SLC25A48: variants seen among roughly 807,000 people sequenced by gnomAD.
SLC25A48 encodes the protein solute carrier family 25 member 48.
SLC25A48 carries 29 observed loss-of-function variants against 32.2 expected under a neutral mutation model. The observed-to-expected ratio is 0.90, with a 90% confidence interval of 0.67 to 1.23. The LOEUF (loss-of-function observed/expected upper bound fraction) is 1.23. Among genes scored for constraint, SLC25A48 ranks in the 50% most tolerant of loss-of-function variants. The pLI is 0.00. For missense variants in SLC25A48, 399 were observed against 422.7 expected (o/e 0.94, Z 0.49); for synonymous variants, 164 against 172.3 (o/e 0.95, Z 0.38).
In SLC25A48 at chr5:135,784,808, C is replaced by G. The variant is rs1455781251; in HGVS notation, c.-520-27715C>G. Among the ~76,000 whole-genome samples the G allele has an allele frequency of 1.7e-5, 2 of 117,358 alleles. 1 individual carries two copies. The highest frequency in any genetic ancestry group is 4.2e-5 in the Non-Finnish European group (2 of 47,652). 77.0% of individuals were successfully genotyped at this position (117,358 alleles called of 152,430 possible). A position where few individuals can be genotyped will look rare whatever the true frequency, so the allele number is the denominator to read the frequency against. On this transcript the variant is annotated intron_variant, in intron 3 of 10. Transcript: ENST00000646290. ...GTTATTAACATCATAAAAGTGAAAG[C>G]ATGATATTACTCCCAATATCGTAAG... is the stretch of plus-strand genomic sequence containing the variant.
intron 4 of SLC25A48, among the ~76,000 whole-genome samples, chr5:135,863,356 G>A (rs1760949298): frequency 6.6e-6 from 1 of 152,184 alleles, no homozygotes; most frequent in Non-Finnish European, 1.5e-5. Flanking sequence ...TGTAGTGTGA[G>A]GTGCCTGTGA....
At chr5:135,868,296 G>A (rs1433032669) in intron 4 of SLC25A48, among the ~76,000 whole-genome samples, 1 of 152,172 alleles carries the variant, frequency 6.6e-6, no homozygotes, top group Non-Finnish European at 1.5e-5. Flanking sequence ...CCCGAATCAG[G>A]AAAGCTCTAT....
intron 3 of SLC25A48, among the ~76,000 whole-genome samples, chr5:135,775,483 T>C (rs1756530844): frequency 6.6e-6 from 1 of 151,692 alleles, no homozygotes; most frequent in Middle Eastern, 3.2e-3. Context: ...CCCTGTGCTA[T>C]TGTTTTTTAT....
intron 3 of SLC25A48, among the ~76,000 whole-genome samples, chr5:135,777,213 C>T (rs1756587559): frequency 6.6e-6 from 1 of 151,708 alleles, no homozygotes; most frequent in South Asian, 2.1e-4. Context: ...AAATTACCTC[C>T]AATATCGCAG....
At chr5:135,622,289 A>G (rs560962266) in intron 1 of SLC25A48, among the ~76,000 whole-genome samples, 46 of 152,380 alleles carry the variant, frequency 3.0e-4, no homozygotes, top group African/African-American at 1.0e-3. Flanking sequence ...AAATATTTAT[A>G]CTTATGGACC....
chr5:135,869,447 A>G (rs1448876155), intron 4 of SLC25A48, among the ~76,000 whole-genome samples: 2 of 152,222 alleles, frequency 1.3e-5, no homozygotes, highest in East Asian at 3.8e-4. Context: ...TTTGTTGACA[A>G]GGCCAGTTGG....
Position 135,587,387 on chromosome 5 carries a change from T to C in SLC25A48, c.-849+7790T>C, listed in dbSNP as rs79007781. Among the ~76,000 whole-genome samples the C allele has an allele frequency of 2.1e-3, 325 of 152,284 alleles. 1 individual carries two copies. Among genetic ancestry groups the C allele is most frequent in the Admixed American group, 3.8e-3 (58 of 15,296 alleles). Reference sequence around the variant, plus strand: ...TGAAATTCTTTGCCTTCTGAAAAAATGTAATGCACAGATGGAAAAGAAAAA... The same window carrying C: ...TGAAATTCTTTGCCTTCTGAAAAAACGTAATGCACAGATGGAAAAGAAAAA... On this transcript the variant is annotated intron_variant, in intron 1 of 10. Transcript: ENST00000646290.
intron 3 of SLC25A48, among the ~76,000 whole-genome samples, chr5:135,652,732 G>C (rs1391358506): frequency 1.3e-5 from 2 of 152,180 alleles, no homozygotes; most frequent in Non-Finnish European, 2.9e-5. Flanking sequence ...GATATAAATA[G>C]AGTTACATCT....
At chr5:135,810,885 G>A (rs539920670) in intron 3 of SLC25A48, among the ~76,000 whole-genome samples, 85 of 152,312 alleles carry the variant, frequency 5.6e-4, no homozygotes, top group Non-Finnish European at 9.1e-4. Flanking sequence ...AAAGGGGTCT[G>A]GATAAGCGAA....
intron 4 of SLC25A48, among the ~76,000 whole-genome samples, chr5:135,862,118 G>A (rs927742677): frequency 6.6e-6 from 1 of 152,132 alleles, no homozygotes; most frequent in Non-Finnish European, 1.5e-5. Flanking sequence ...TAGGTGGCCT[G>A]TTGGGCATAA....
intron 3 of SLC25A48, chr5:135,714,948 G>C (rs1463844427): frequency 2.6e-5 from 4 of 152,456 alleles, no homozygotes; most frequent in Admixed American, 1.3e-4. Context: ...CATGGAGAAA[G>C]GATGCTGAGG....
chr5:135,619,419 A>G (rs1417094608), intron 1 of SLC25A48, among the ~76,000 whole-genome samples: 1 of 152,054 alleles, frequency 6.6e-6, no homozygotes, highest in Non-Finnish European at 1.5e-5. Flanking sequence ...TTTCTGAATT[A>G]TCTTGTATCT....
At chr5:135,634,496 T>C (rs1580740622) in intron 2 of SLC25A48, among the ~76,000 whole-genome samples, 1 of 152,236 alleles carries the variant, frequency 6.6e-6, no homozygotes, top group Admixed American at 6.5e-5. Context: ...AGAGAAGGCT[T>C]GGGCCCTACC....
chr5:135,757,242 T>C (rs1348654658), intron 3 of SLC25A48, among the ~76,000 whole-genome samples: 1 of 149,860 alleles, frequency 6.7e-6, no homozygotes, highest in Non-Finnish European at 1.5e-5. Flanking sequence ...GTTAACACAC[T>C]ATAATATTAA....
At chr5:135,792,437 C>A (rs1477786065) in intron 3 of SLC25A48, among the ~76,000 whole-genome samples, 1 of 151,704 alleles carries the variant, frequency 6.6e-6, no homozygotes, top group African/African-American at 2.4e-5. Flanking sequence ...AGTGCTTGTA[C>A]ACCATGTGTA....
chr5:135,874,653 G>A (rs769417639), intron 6 of SLC25A48: 27 of 699,752 alleles, frequency 3.9e-5, no homozygotes, highest in East Asian at 1.1e-4. Flanking sequence ...ACCTCTGGTC[G>A]TGGCTGAGGA....
intron 3 of SLC25A48, among the ~76,000 whole-genome samples, chr5:135,796,160 A>G (rs1351370684): frequency 6.6e-6 from 1 of 151,454 alleles, no homozygotes; most frequent in Non-Finnish European, 1.5e-5. Flanking sequence ...ATTACTTTTT[A>G]TATCGTGTGG....
At chr5:135,741,083 G>A (rs1021313490) in intron 3 of SLC25A48, among the ~76,000 whole-genome samples, 2 of 152,172 alleles carry the variant, frequency 1.3e-5, no homozygotes, top group African/African-American at 4.8e-5. Context: ...TGCTTTACAT[G>A]TGTCATCTCA....
At chr5:135,830,059 A>C (rs2126669539), upstream of SLC25A48, among the ~76,000 whole-genome samples, 1 of 152,198 alleles carries the variant, frequency 6.6e-6, no homozygotes, top group East Asian at 1.9e-4. Context: ...GTACTCAAAC[A>C]CCTTAGATGG....
Sources: allele counts gnomAD v4.1 joint callset (sites outside exome capture counted in the v4.1 genomes callset), GRCh38; gene constraint gnomAD v4.1.1; transcripts MANE v1.5; gene names NCBI Gene and HGNC (gene_info 2026-07-23, HGNC 2026-07-21).